ILDR1: variants seen among roughly 807,000 people sequenced by gnomAD.
ILDR1 encodes the protein immunoglobulin like domain containing receptor 1, also known as immunoglobulin-like domain-containing receptor 1.
Under a neutral mutation model 62.4 loss-of-function variants are expected in ILDR1, and 56 were observed. That is an observed-to-expected ratio of 0.90 (90% confidence interval 0.72 to 1.12). The LOEUF is 1.12. ILDR1 is among the 50% of genes most tolerant of loss of function. The probability of loss-of-function intolerance (pLI) is 0.00; values close to 1 mark genes in which losing one functional copy is unlikely to be tolerated. For missense variants in ILDR1, 736 were observed against 710.6 expected (o/e 1.04, Z -0.41); for synonymous variants, 284 against 277.8 (o/e 1.02, Z -0.22).
At chr3:121,989,166 A>G (rs2071300010) in intron 7 of ILDR1, among the ~76,000 whole-genome samples, 1 of 152,220 alleles carries the variant, frequency 6.6e-6, no homozygotes. Context: ...ATGTATGTAC[A>G]TTCATGTTGC....
the ILDR1 span, among the ~76,000 whole-genome samples, chr3:122,029,708 T>C: frequency 1.3e-5 from 2 of 152,040 alleles, no homozygotes; most frequent in Non-Finnish European, 2.9e-5. Flanking sequence ...AGATAGATGG[T>C]GCCTATTATT....
the ILDR1 span, among the ~76,000 whole-genome samples, chr3:122,061,641 C>A: frequency 6.6e-6 from 1 of 152,246 alleles, no homozygotes; most frequent in African/African-American, 2.4e-5. Context: ...AAAAATTAAA[C>A]CACTACCTAC....
At chr3:122,044,579 T>C in the ILDR1 span, among the ~76,000 whole-genome samples, 1 of 151,594 alleles carries the variant, frequency 6.6e-6, no homozygotes, top group Non-Finnish European at 1.5e-5. Context: ...CTATTGATTA[T>C]TGCCACAATT....
intron 7 of ILDR1, among the ~76,000 whole-genome samples, chr3:121,989,026 G>A (rs144866040): frequency 2.6e-5 from 4 of 152,062 alleles, no homozygotes; most frequent in East Asian, 1.9e-4. Context: ...TTCTAGCTAC[G>A]GTAGGGGATC....
intron 2 of ILDR1, among the ~76,000 whole-genome samples, chr3:122,005,968 C>T (rs1421759044): frequency 1.3e-5 from 2 of 152,058 alleles, no homozygotes; most frequent in Non-Finnish European, 2.9e-5. Context: ...AATATAGGGT[C>T]TGAGAGCTGT....
the ILDR1 span, among the ~76,000 whole-genome samples, chr3:122,058,271 C>G: frequency 6.6e-6 from 1 of 152,122 alleles, no homozygotes; most frequent in Non-Finnish European, 1.5e-5. Flanking sequence ...GCAGGACAAC[C>G]CCAAGTTGTG....
chr3:122,041,922 T>A, the ILDR1 span, among the ~76,000 whole-genome samples: 39 of 147,742 alleles, frequency 2.6e-4, no homozygotes, highest in Non-Finnish European at 4.4e-4. Context: ...TTTTTTTTTT[T>A]ATTATTATTA....
At chr3:122,001,667 G>GTT (rs35657414) in intron 4 of ILDR1, 78 bp downstream of exon 4, 1,422 of 1,409,410 alleles carry the variant, frequency 1.0e-3, no homozygotes, top group Middle Eastern at 1.8e-3. Context: ...CTTATTTCTG[G>GTT]TTTTTTTTTT....
rs146278176 is a variant in ILDR1 at position 121,993,868 on chromosome 3, C to A, written c.881G>T (p.Arg294Leu). Residue 294 changes from arginine (R) to leucine (L), a missense_variant, in exon 7 of 8, where the codon CGG becomes CTG. Physicochemically the swap from Arg to Leu is moderately radical, Grantham distance 102. Coordinates refer to ENST00000344209, the MANE Select transcript of ILDR1 (RefSeq NM_001199799.2). ...CAGAGGCTGGGCCAGGTTGAGGTTC[C>A]GCAGTTCTTTCTCCAAATACTCCAG... ...GVLEYLEKEL[R>L]NLNLAQPLPP... is the part of the protein sequence containing the mutation. The A allele has an allele frequency of 1.9e-6, 3 of 1,614,086 alleles. No homozygotes were observed. Among genetic ancestry groups the A allele is most frequent in the Non-Finnish European group, 1.7e-6 (2 of 1,180,008 alleles).
Position 121,993,105 on chromosome 3 carries a change from C to T in ILDR1, c.1599+45G>A, listed in dbSNP as rs374231194. ...CTGTGGTCATGCCTGGCTGGAGGCT[C>T]CTCTCTGCCCATGCCCAACCCTCAG... On this transcript the variant is annotated intron_variant, in intron 7 of 7. Coordinates refer to ENST00000344209, the MANE Select transcript of ILDR1 (RefSeq NM_001199799.2). The T allele has an allele frequency of 5.0e-5, 73 of 1,449,588 alleles. No individual in the cohort carries two copies. The African/African-American group carries it at 7.2e-4, about 14-fold the overall frequency. 89.8% of individuals were successfully genotyped at this position (1,449,588 alleles called of 1,614,324 possible). A position where few individuals can be genotyped will look rare whatever the true frequency, so the allele number is the denominator to read the frequency against.
chr3:121,990,569 T>C (rs1046085713), intron 7 of ILDR1, among the ~76,000 whole-genome samples: 1 of 152,218 alleles, frequency 6.6e-6, no homozygotes, highest in Non-Finnish European at 1.5e-5. Flanking sequence ...GAAGATATCA[T>C]TGACTCCAAA....
chr3:122,005,234 C>T lies in ILDR1; in HGVS notation c.379+10G>A, dbSNP rs200883040. ...ACCCCCAGTTCCCCTGACACCTCCC[C>T]CGCACTCACGGTTCTGGATGGTGAT... On this transcript the variant is annotated intron_variant, in intron 3 of 7. Coordinates refer to ENST00000344209, the MANE Select transcript of ILDR1 (RefSeq NM_001199799.2). 3.1e-6 allele frequency: 5 copies of T among 1,596,828 alleles called. No individual in the cohort carries two copies. Among genetic ancestry groups the T allele is most frequent in the Admixed American group, 1.7e-5 (1 of 59,932 alleles).
At chr3:122,008,598 T>C (rs201726909) in intron 1 of ILDR1, among the ~76,000 whole-genome samples, 11 of 136,870 alleles carry the variant, frequency 8.0e-5, no homozygotes, top group Admixed American at 2.1e-4. Context: ...CTTTTCTTTT[T>C]TTTTTTTTTT....
the ILDR1 span, among the ~76,000 whole-genome samples, chr3:122,030,621 TTTTCTC>T: frequency 8.4e-4 from 85 of 101,224 alleles, no homozygotes; most frequent in East Asian, 6.1e-4. Context: ...AGGCAAGGGT[TTTTCTC>T]TCTCTCTCTC....
At chr3:122,028,653 T>G in the ILDR1 span, among the ~76,000 whole-genome samples, 6 of 152,362 alleles carry the variant, frequency 3.9e-5, no homozygotes, top group Middle Eastern at 3.4e-3. Context: ...AGAAGCAATC[T>G]GATTCACTAT....
the ILDR1 span, among the ~76,000 whole-genome samples, chr3:122,052,256 C>G: frequency 6.6e-6 from 1 of 152,182 alleles, no homozygotes; most frequent in African/African-American, 2.4e-5. Flanking sequence ...CCCCAGGCAT[C>G]TAGAGTATGC....
At chr3:122,016,948 T>A (rs1037438427) in intron 1 of ILDR1, among the ~76,000 whole-genome samples, 1 of 152,202 alleles carries the variant, frequency 6.6e-6, no homozygotes, top group East Asian at 1.9e-4. Flanking sequence ...AAAGAAAGTG[T>A]CAAAATTGCT....
the ILDR1 span, among the ~76,000 whole-genome samples, chr3:122,044,786 T>C: frequency 7.0e-4 from 107 of 151,992 alleles, no homozygotes; most frequent in Middle Eastern, 3.4e-3. Flanking sequence ...TTTTTTATTG[T>C]GTCTATTTGA....
the ILDR1 span, among the ~76,000 whole-genome samples, chr3:122,027,472 G>A: frequency 6.6e-6 from 1 of 152,222 alleles, no homozygotes. Context: ...TTACAGGAGT[G>A]AGCCACTGCG....
Sources: gnomAD v4.1 joint callset for allele counts (sites outside exome capture counted in the v4.1 genomes callset) on GRCh38, gnomAD v4.1.1 for gene constraint, MANE v1.5 for transcripts, NCBI Gene and HGNC (gene_info 2026-07-23, HGNC 2026-07-21) for gene names.